The following PLAGL1 variants were observed in gnomAD, a reference collection of about 807,000 sequenced individuals.
PLAGL1 encodes the protein PLAG1 like zinc finger 1, also known as zinc finger protein PLAGL1.
Under a neutral mutation model 4.6 loss-of-function variants are expected in PLAGL1, and 1 was observed. That is an observed-to-expected ratio of 0.22 (90% CI 0.08 to 1.03). The LOEUF (loss-of-function observed/expected upper bound fraction) is 1.03, where lower values mean the gene tolerates loss of function less well. PLAGL1 is among the 50% of genes least tolerant of loss of function. The pLI, the probability that PLAGL1 is intolerant of heterozygous loss-of-function variation, is 0.58. For missense variants in PLAGL1, 464 were observed against 570.4 expected (o/e 0.81, Z 1.90); for synonymous variants, 240 against 237.8 (o/e 1.01, Z -0.08).
Position 144,059,393 on chromosome 6 carries a change from G to T in PLAGL1, c.-151+5075C>A, listed in dbSNP as rs1179106163. Among the ~76,000 whole-genome samples, 1 of 152,216 alleles carries T rather than the reference G, an allele frequency of 6.6e-6. No individual in the cohort carries two copies. The highest frequency in any genetic ancestry group is 2.4e-5 in the African/African-American group (1 of 41,450). ...AATGTGACTCAGACCTACAGGTCTT[G>T]CTAAGGTTCCTCCACCAACTGGGCA... On this transcript the variant is annotated intron_variant, in intron 1 of 3. Coordinates refer to the PLAGL1 transcript ENST00000437412. This position sits in a 1 kb window ranked among gnomAD's most constrained non-coding sequence, Gnocchi z 4.9.
chr6:144,022,803 G>A lies in PLAGL1; in HGVS notation c.-151+41665C>T, dbSNP rs749222529. Among the ~76,000 whole-genome samples, 8 of 152,144 alleles carry A rather than the reference G, an allele frequency of 5.3e-5. No homozygotes were observed. Among genetic ancestry groups the A allele is most frequent in the Non-Finnish European group, 1.2e-4 (8 of 68,032 alleles). Reference sequence around the variant, plus strand: ...TAAACCTCTTTCCTTTATAAATTATGCAGTCTCAGGTATGTCTTTATTGCA... The same window carrying A: ...TAAACCTCTTTCCTTTATAAATTATACAGTCTCAGGTATGTCTTTATTGCA... On this transcript the variant is annotated intron_variant, in intron 1 of 3. Transcript: ENST00000437412. This position sits in a 1 kb window ranked among gnomAD's most constrained non-coding sequence, Gnocchi z 4.2.
chr6:143,987,437 CTTTTTTT>C (rs71024883), intron 1 of PLAGL1, among the ~76,000 whole-genome samples: 6 of 73,954 alleles, frequency 8.1e-5, no homozygotes, highest in Admixed American at 3.6e-4. Context: ...ACCACACTGG[CTTTTTTT>C]TTTTTTTTTT....
Position 143,982,330 on chromosome 6 carries a change from A to G in PLAGL1, c.-544+2805T>C, listed in dbSNP as rs772524610. On this transcript the variant is annotated intron_variant, in intron 2 of 7. Coordinates refer to ENST00000674357, the MANE Select transcript of PLAGL1 (RefSeq NM_001317162.2). This position sits in a 1 kb window ranked among gnomAD's most constrained non-coding sequence, Gnocchi z 5.3. ...AGTCATGTGGCTATTTCTGGGTACAATAATTGCAAAACTCGATGCAGAAAC... is the reference window on the plus strand; with the variant it reads ...AGTCATGTGGCTATTTCTGGGTACAGTAATTGCAAAACTCGATGCAGAAAC... Among the ~76,000 whole-genome samples, 1 of 152,140 alleles carries G rather than the reference A, an allele frequency of 6.6e-6. No homozygotes were observed. The highest frequency in any genetic ancestry group is 1.5e-5 in the Non-Finnish European group (1 of 68,014).
rs1397084771 is a variant in PLAGL1 at position 144,036,219 on chromosome 6, C to T, written c.-151+28249G>A. Among the ~76,000 whole-genome samples, 1 of 152,198 alleles carries T rather than the reference C, an allele frequency of 6.6e-6. No individual in the cohort carries two copies. Among genetic ancestry groups the T allele is most frequent in the Non-Finnish European group, 1.5e-5 (1 of 68,032 alleles). On this transcript the variant is annotated intron_variant, in intron 1 of 3. Transcript: ENST00000437412. The surrounding 1 kb of genome is among the most constrained non-coding windows in gnomAD (Gnocchi z 5.1). ...TTATGCCCAGAAATGACAACCACTTCCTCTGACTCTAAGAACAGTCCATTT... is the reference window on the plus strand; with the variant it reads ...TTATGCCCAGAAATGACAACCACTTTCTCTGACTCTAAGAACAGTCCATTT...
At position 144,029,086 on chromosome 6, in the gene PLAGL1, G is replaced by A. The variant is rs149976121; in HGVS notation, c.-151+35382C>T. ...CTTCCTGTAGATATTATTTATACGA[G>A]TTGCATAATAATCTATTATGTAGCT... On this transcript the variant is annotated intron_variant, in intron 1 of 3. Coordinates refer to the PLAGL1 transcript ENST00000437412. Among the ~76,000 whole-genome samples the A allele has an allele frequency of 2.6e-5, 4 of 152,146 alleles. No individual in the cohort carries two copies. In the East Asian group the frequency reaches 5.8e-4, roughly 22 times the overall value.
At chr6:144,018,398 G>A (rs536565387) in intron 1 of PLAGL1, among the ~76,000 whole-genome samples, 1 of 152,292 alleles carries the variant, frequency 6.6e-6, no homozygotes, top group African/African-American at 2.4e-5. Flanking sequence ...GGATGGGGTA[G>A]CGGGTATTGG....
In PLAGL1 at chr6:143,985,394, A is replaced by G. The variant is rs75641277; in HGVS notation, c.-583-220T>C. Among the ~76,000 whole-genome samples, 294 of 152,218 alleles carry G rather than the reference A, an allele frequency of 1.9e-3. 4 individuals are homozygous for G. The highest frequency in any genetic ancestry group is 0.014 in the East Asian group (73 of 5,176). On this transcript the variant is annotated intron_variant, in intron 1 of 7. Transcript: ENST00000674357. This position sits in a 1 kb window ranked among gnomAD's most constrained non-coding sequence, Gnocchi z 4.4. ...CTATCGCGATTTCCCATTTAATTGT[A>G]TTAGTGTGTTTTATAGTTTTATCAC...
intron 2 of PLAGL1, among the ~76,000 whole-genome samples, chr6:143,980,101 C>G (rs1252937105): frequency 6.6e-6 from 1 of 152,080 alleles, no homozygotes. Flanking sequence ...GTTTGTTCCT[C>G]TGAATGTATA....
chr6:144,002,233 G>A (rs1016735462), intron 1 of PLAGL1, among the ~76,000 whole-genome samples: 16 of 152,100 alleles, frequency 1.1e-4, no homozygotes, highest in African/African-American at 3.1e-4. Context: ...ACTCATTTGC[G>A]AAAGCAATTC....
rs1190558591 is a variant in PLAGL1, at chr6:143,989,157, G to A, written c.-583-3983C>T. ...GGAAAGCCCAGATAGGCAGCTCAGT[G>A]TGTCTGGGGGTGCCCCAGGGGACAT... On this transcript the variant is annotated intron_variant, in intron 1 of 7. Transcript: ENST00000674357. This position sits in a 1 kb window ranked among gnomAD's most constrained non-coding sequence, Gnocchi z 4.8. Among the ~76,000 whole-genome samples, 2 of 152,216 alleles carry A rather than the reference G, an allele frequency of 1.3e-5. No homozygotes were observed. Among genetic ancestry groups the A allele is most frequent in the Non-Finnish European group, 2.9e-5 (2 of 68,038 alleles).
rs1562495066 is a variant in PLAGL1, at chr6:143,984,522, T to C, written c.-544+613A>G. On this transcript the variant is annotated intron_variant, in intron 2 of 7. Transcript: ENST00000674357. The surrounding 1 kb of genome is among the most constrained non-coding windows in gnomAD (Gnocchi z 5.5). ...GGTAGGTACTATCGGGAAGACTGTA[T>C]TAGAGGTGCGTGTCTTCTTGGTGGC... Among the ~76,000 whole-genome samples, 2 of 152,038 alleles carry C rather than the reference T, an allele frequency of 1.3e-5. No homozygotes were observed. Among genetic ancestry groups the C allele is most frequent in the African/African-American group, 2.4e-5 (1 of 41,408 alleles).
At position 143,997,592 on chromosome 6, in the gene PLAGL1, C is replaced by T. The variant is rs149471307; in HGVS notation, c.-584+10498G>A. On this transcript the variant is annotated intron_variant, in intron 1 of 7. Transcript: ENST00000674357. This position sits in a 1 kb window ranked among gnomAD's most constrained non-coding sequence, Gnocchi z 4.6. ...AACAGGGAGGCTCAGGTGGGAGGAT[C>T]GCTTGAGCCTGGGAGGTTGAGGCTG... Among the ~76,000 whole-genome samples the T allele has an allele frequency of 7.9e-5, 12 of 152,258 alleles. No homozygotes were observed. The highest frequency in any genetic ancestry group is 2.0e-4 in the Admixed American group (3 of 15,298).
chr6:144,042,732 C>T (rs146421304), intron 1 of PLAGL1, among the ~76,000 whole-genome samples: 2,380 of 152,142 alleles, frequency 0.016, 59 homozygotes, highest in African/African-American at 0.054. Context: ...TAGCTTGATG[C>T]GGATGGCATT....
chr6:144,002,647 A>G (rs1320061177), intron 1 of PLAGL1, among the ~76,000 whole-genome samples: 2 of 152,166 alleles, frequency 1.3e-5, no homozygotes, highest in African/African-American at 2.4e-5. Flanking sequence ...TGTTTGGAAA[A>G]TAAAACTGGG....
chr6:144,046,993 C>A (rs190892757), intron 1 of PLAGL1, among the ~76,000 whole-genome samples: 2 of 152,342 alleles, frequency 1.3e-5, no homozygotes, highest in East Asian at 3.9e-4. Flanking sequence ...GGGCGTGGGA[C>A]CCGCTGAGCC....
rs1225128168 is a variant in PLAGL1 at position 143,984,833 on chromosome 6, G to T, written c.-544+302C>A. On this transcript the variant is annotated intron_variant, in intron 2 of 7. Transcript: ENST00000674357. This position sits in a 1 kb window ranked among gnomAD's most constrained non-coding sequence, Gnocchi z 5.5. Reference sequence around the variant, plus strand: ...AAGACTAATGCCCAACAGGACGTCTGCATCTATATACAACCTCAGCTCTGC... The same window carrying T: ...AAGACTAATGCCCAACAGGACGTCTTCATCTATATACAACCTCAGCTCTGC... Among the ~76,000 whole-genome samples the T allele has an allele frequency of 2.0e-5, 3 of 152,120 alleles. No homozygotes were observed. Among genetic ancestry groups the T allele is most frequent in the Admixed American group, 2.0e-4 (3 of 15,262 alleles).
rs1780200803 is a variant in PLAGL1 at position 143,948,090 on chromosome 6, A to G, written c.47T>C (p.Leu16Pro). ...CQLCGKTFLT[L>P]EKFTIHNYSH... is the part of the protein sequence containing the mutation. ...ATAATTGTGAATCGTGAACTTCTCCAGGGTGAGGAACGTCTTGCCACATAA... is the reference window on the plus strand; with the variant it reads ...ATAATTGTGAATCGTGAACTTCTCCGGGGTGAGGAACGTCTTGCCACATAA... Residue 16 changes from leucine to proline, a missense_variant, in exon 7 of 8, where the codon CTG (leucine) becomes CCG (proline). Transcript: ENST00000674357. The surrounding 1 kb of genome is among the most constrained non-coding windows in gnomAD (Gnocchi z 6.0). 6.2e-7 allele frequency: 1 copy of G among 1,613,872 alleles called. No homozygotes were observed.
rs551022661 is a variant in PLAGL1 at position 144,064,190 on chromosome 6, A to T, written c.-151+278T>A. The stretch of plus-strand genomic sequence containing the variant: ...CCCTCCGCCCAGCGCAGAAGCGAAG[A>T]GCTGCAGACGACGGAGAAAAGGGAA... On this transcript the variant is annotated intron_variant, in intron 1 of 3. Transcript: ENST00000437412. The surrounding 1 kb of genome is among the most constrained non-coding windows in gnomAD (Gnocchi z 6.8). 2.6e-5 allele frequency among the ~76,000 whole-genome samples: 4 copies of T among 152,008 alleles called. No homozygotes were observed. Among genetic ancestry groups the T allele is most frequent in the African/African-American group, 9.6e-5 (4 of 41,470 alleles).
In PLAGL1 at chr6:143,959,899, A is replaced by T. The variant is rs1053342416; in HGVS notation, c.-325+570T>A. Among the ~76,000 whole-genome samples the T allele has an allele frequency of 2.6e-5, 4 of 152,226 alleles. No individual in the cohort carries two copies. The South Asian group carries it at 8.3e-4, about 32-fold the overall frequency. ...TCTGAACTAAGCCAAGTGCTCTTTC[A>T]ACCTACGCTTTGCCATCCCTTCTAG... On this transcript the variant is annotated intron_variant, in intron 6 of 7. Transcript: ENST00000674357. The surrounding 1 kb of genome is among the most constrained non-coding windows in gnomAD (Gnocchi z 5.3).
Sources: gnomAD v4.1 joint callset for allele counts (sites outside exome capture counted in the v4.1 genomes callset) on GRCh38, gnomAD v4.1.1 for gene constraint, Gnocchi (gnomAD v3.1) non-coding constraint, MANE v1.5 for transcripts, NCBI Gene and HGNC (gene_info 2026-07-23, HGNC 2026-07-21) for gene names.